HEATR5A: variants seen among roughly 807,000 people sequenced by gnomAD.
HEATR5A encodes HEAT repeat containing 5A.
Under a neutral mutation model 218.8 loss-of-function variants are expected in HEATR5A, and 178 were observed. The observed-to-expected ratio is 0.81, with a 90% CI of 0.72 to 0.92. The LOEUF (loss-of-function observed/expected upper bound fraction) is 0.92. HEATR5A is among the 40% of genes least tolerant of loss of function. The pLI, the probability that HEATR5A is intolerant of heterozygous loss-of-function variation, is 0.00. For missense variants in HEATR5A, 2,420 were observed against 2,418.9 expected (o/e 1.00, Z -0.01); for synonymous variants, 864 against 871.6 (o/e 0.99, Z 0.15).
chr14:31,402,766 A>T, intron 2 of HEATR5A, 84 bp downstream of exon 2: 1 of 1,294,518 alleles, frequency 7.7e-7, no homozygotes, highest in Non-Finnish European at 1.1e-6. Flanking sequence ...AAATTAGGTT[A>T]TTCTGGAAAA....
At chr14:31,320,672 C>T (rs1900067959) in intron 25 of HEATR5A, 2 of 544,128 alleles carry the variant, frequency 3.7e-6, no homozygotes, top group Admixed American at 2.6e-5. Flanking sequence ...GGTCTCAGCA[C>T]TCAGCTTCCC....
chr14:31,323,717 T>A lies in HEATR5A; in HGVS notation c.3635A>T (p.Asp1212Val). 6.2e-7 allele frequency: 1 copy of A among 1,613,776 alleles called. No individual in the cohort carries two copies. The highest frequency in any genetic ancestry group is 1.1e-5 in the South Asian group (1 of 91,078). The change falls in exon 24 of 36, where the codon GAT (aspartate) becomes GTT (valine). Residue 1212 changes from aspartate to valine, a missense_variant. Physicochemically the swap from Asp to Val is radical, Grantham distance 152. Coordinates refer to ENST00000543095, the MANE Select transcript of HEATR5A (RefSeq NM_015473.4). ...ATTGGTAAAAGGATGGGATTTTTCA[T>A]CACGTCTGGTGGTCAGGACTGAGGC... ...DDASVLTTRR[D>V]EKSHPFTNPR...
chr14:31,399,666 C>T (rs2030797094), intron 3 of HEATR5A, among the ~76,000 whole-genome samples: 1 of 152,058 alleles, frequency 6.6e-6, no homozygotes, highest in South Asian at 2.1e-4. Flanking sequence ...CCCGTATCTA[C>T]TAAAAATACA....
intron 11 of HEATR5A, among the ~76,000 whole-genome samples, chr14:31,376,408 G>A (rs1025709548): frequency 3.3e-5 from 5 of 152,328 alleles, no homozygotes; most frequent in African/African-American, 1.2e-4. Flanking sequence ...AGCTACTTGG[G>A]AGGCTGATGC....
At chr14:31,393,190 C>T (rs1215976227) in intron 6 of HEATR5A, among the ~76,000 whole-genome samples, 4 of 152,044 alleles carry the variant, frequency 2.6e-5, no homozygotes, top group Admixed American at 2.0e-4. Context: ...TAACACTTCA[C>T]AATTACTTTA....
chr14:31,387,248 G>T lies in HEATR5A; in HGVS notation c.1061C>A (p.Ala354Asp). The T allele has an allele frequency of 6.2e-7, 1 of 1,613,960 alleles. No individual in the cohort carries two copies. The highest frequency in any genetic ancestry group is 1.1e-5 in the South Asian group (1 of 91,086). ...TGAAACACAACGGCGACAGCAGACG[G>T]CATCGATCTGAGTTTGGGTGGCTTT... is the stretch of plus-strand genomic sequence containing the variant. ...HPKATQTQID[A>D]VCCRRCVSFI... The change falls in exon 8 of 36, where the codon GCC becomes GAC. Residue 354 changes from alanine (A) to aspartate (D), a missense_variant. Physicochemically the swap from Ala to Asp is moderately radical, Grantham distance 126 (BLOSUM62 -2). Coordinates refer to ENST00000543095, the MANE Select transcript of HEATR5A (RefSeq NM_015473.4).
intron 13 of HEATR5A, among the ~76,000 whole-genome samples, chr14:31,368,157 G>A (rs542406472): frequency 6.6e-6 from 1 of 152,162 alleles, no homozygotes; most frequent in South Asian, 2.1e-4. Context: ...AGGGCTTCAC[G>A]GAGGGAGTTT....
At chr14:31,406,153 T>C (rs1283449729) in intron 1 of HEATR5A, among the ~76,000 whole-genome samples, 1 of 152,232 alleles carries the variant, frequency 6.6e-6, no homozygotes, top group Non-Finnish European at 1.5e-5. Flanking sequence ...CAATGTTATC[T>C]GCTATACGTT....
intron 14 of HEATR5A, among the ~76,000 whole-genome samples, chr14:31,359,287 A>AGTGTGTGTGT (rs35338545): frequency 3.2e-3 from 160 of 50,502 alleles, no homozygotes; most frequent in Admixed American, 0.012. Flanking sequence ...AAAGTGTAAG[A>AGTGTGTGTGT]GTGTGTGTGT....
chr14:31,381,257 A>C (rs1179242066), intron 10 of HEATR5A, among the ~76,000 whole-genome samples: 6 of 152,096 alleles, frequency 3.9e-5, no homozygotes, highest in Non-Finnish European at 5.9e-5. Flanking sequence ...TCAACAACAA[A>C]AAAAAGCTAC....
intron 6 of HEATR5A, among the ~76,000 whole-genome samples, chr14:31,393,388 G>A (rs1367800800): frequency 6.6e-6 from 1 of 152,174 alleles, no homozygotes; most frequent in Non-Finnish European, 1.5e-5. Context: ...GTGAAAGCCT[G>A]TGGTCCCGCC....
In HEATR5A at chr14:31,380,514, T is replaced by A; in HGVS notation, c.1661A>T (p.Gln554Leu). The change falls in exon 11 of 36, where the codon CAG (glutamine) becomes CTG (leucine). Residue 554 changes from glutamine to leucine, a missense_variant. Transcript: ENST00000543095. The part of the protein sequence containing the change: ...SAAQNSRLSA[Q>L]RTQAGWLLIS... ...CAGCAACCATCCAGCTTGTGTGCGCTGAGCTGAAAGGCGACTGTTTTGAGC... is the reference window on the plus strand; with the variant it reads ...CAGCAACCATCCAGCTTGTGTGCGCAGAGCTGAAAGGCGACTGTTTTGAGC... The A allele has an allele frequency of 6.2e-7, 1 of 1,609,402 alleles. No homozygotes were observed. The highest frequency in any genetic ancestry group is 8.5e-7 in the Non-Finnish European group (1 of 1,177,824).
At chr14:31,310,342 A>G (rs757546105) in intron 28 of HEATR5A, among the ~76,000 whole-genome samples, 8 of 152,142 alleles carry the variant, frequency 5.3e-5, no homozygotes, top group Non-Finnish European at 7.4e-5. Flanking sequence ...GCTTACATGC[A>G]TCCTTTATTT....
intron 2 of HEATR5A, among the ~76,000 whole-genome samples, chr14:31,400,879 G>A (rs2030850487): frequency 1.3e-5 from 2 of 149,182 alleles, no homozygotes; most frequent in African/African-American, 2.5e-5. Flanking sequence ...TCGCTCTGTC[G>A]CCCAGGCTGG....
intron 19 of HEATR5A, among the ~76,000 whole-genome samples, chr14:31,345,914 G>GCACACA (rs35067283): frequency 5.4e-4 from 82 of 150,898 alleles, no homozygotes; most frequent in Middle Eastern, 3.4e-3. Context: ...ATGCACACAC[G>GCACACA]CACACACACA....
intron 13 of HEATR5A, among the ~76,000 whole-genome samples, chr14:31,364,837 T>C (rs74188609): frequency 0.083 from 12,710 of 152,232 alleles, 604 homozygotes; most frequent in East Asian, 0.16. Flanking sequence ...GCTCATTCAT[T>C]TAACAAACAT....
At chr14:31,350,980 C>T (rs1175266563) in intron 16 of HEATR5A, among the ~76,000 whole-genome samples, 1 of 152,084 alleles carries the variant, frequency 6.6e-6, no homozygotes, top group Non-Finnish European at 1.5e-5. Flanking sequence ...GTAGTTTCAC[C>T]ATGTTGGCCA....
At position 31,295,920 on chromosome 14, in the gene HEATR5A, T is replaced by C. The variant is rs61741258; in HGVS notation, c.5608A>G (p.Lys1870Glu). The C allele has an allele frequency of 8.4e-3, 13,509 of 1,613,440 alleles. 526 individuals are homozygous for C. The African/African-American group carries it at 0.11, about 14-fold the overall frequency. ...TAAAAGACACTTACCACAGGATCTT[T>C]TATCTCAAGAGTAGCTTTAAATTTA... ...IDKFKATLEI[K>E]DPVVQIKTYQ... Residue 1870 changes from lysine (K) to glutamate (E), a missense_variant, in exon 34 of 36, where the codon AAA becomes GAA. By Grantham distance (56) the Lys-to-Glu change is moderately conservative. Coordinates refer to ENST00000543095, the MANE Select transcript of HEATR5A (RefSeq NM_015473.4).
In HEATR5A at chr14:31,386,484, T is replaced by C; in HGVS notation, c.1281A>G (p.Glu427=). The change falls in exon 9 of 36, where the codon GAA becomes GAG. Residue 427 remains glutamate, a synonymous_variant. Transcript: ENST00000543095. ...SQHMLVCALQ[E]LGNLIHNLGT... ...CAAGATTGTGTATGAGATTTCCAAG[T>C]TCTTGTAAAGCACAAACCAGCATAT... is the stretch of plus-strand genomic sequence containing the variant. 6.2e-7 allele frequency: 1 copy of C among 1,613,716 alleles called. No individual in the cohort carries two copies.
Sources: allele counts gnomAD v4.1 joint callset (sites outside exome capture counted in the v4.1 genomes callset), GRCh38; gene constraint gnomAD v4.1.1; transcripts MANE v1.5; gene names NCBI Gene and HGNC (gene_info 2026-07-23, HGNC 2026-07-21).